The following ADAM10 variants were observed in gnomAD, a reference collection of about 807,000 sequenced individuals.
ADAM10 encodes the protein disintegrin and metalloproteinase domain-containing protein 10.
ADAM10 carries 17 observed loss-of-function variants against 90.1 expected under a neutral mutation model. The ratio of observed to expected loss-of-function variants is 0.19; its 90% confidence interval spans 0.13 to 0.28. The LOEUF (loss-of-function observed/expected upper bound fraction) is 0.28, where lower values mean the gene tolerates loss of function less well. Ranked by LOEUF, ADAM10 falls within the 10% of genes least tolerant of loss-of-function variation. The pLI is 1.00. For missense variants in ADAM10, 610 were observed against 914.3 expected (o/e 0.67, Z 4.29); for synonymous variants, 310 against 298.6 (o/e 1.04, Z -0.40).
chr15:58,631,591 G>T (rs71478680), intron 9 of ADAM10, among the ~76,000 whole-genome samples: 2 of 152,094 alleles, frequency 1.3e-5, no homozygotes, highest in African/African-American at 4.8e-5. Flanking sequence ...TACTAAAAAA[G>T]AATCTGTGTT....
At position 58,646,210 on chromosome 15, in the gene ADAM10, C is replaced by T. The variant is rs1476048598; in HGVS notation, c.586-6G>A. ...GCATGTTCTTCTTGAGGTATCTATA[C>T]ATCAAAAAGTCATTTCTGACAATTA... is the stretch of plus-strand genomic sequence containing the variant. On this transcript the variant is annotated splice_region_variant and splice_polypyrimidine_tract_variant and intron_variant, in intron 5 of 15. Coordinates refer to ENST00000260408, the MANE Select transcript of ADAM10 (RefSeq NM_001110.4). The T allele has an allele frequency of 5.0e-6, 8 of 1,611,016 alleles. No individual in the cohort carries two copies. Among genetic ancestry groups the T allele is most frequent in the Non-Finnish European group, 6.8e-6 (8 of 1,179,270 alleles).
intron 1 of ADAM10, among the ~76,000 whole-genome samples, chr15:58,719,088 C>T (rs1898760305): frequency 2.0e-5 from 3 of 152,218 alleles, no homozygotes; most frequent in Admixed American, 2.0e-4. Context: ...CTTTGGGAGG[C>T]CGAGGCAGGT....
chr15:58,743,041 G>A (rs1172877220), intron 1 of ADAM10, among the ~76,000 whole-genome samples: 1 of 152,114 alleles, frequency 6.6e-6, no homozygotes, highest in Non-Finnish European at 1.5e-5. Flanking sequence ...CTGGGCAACA[G>A]AAAGAGACCT....
intron 9 of ADAM10, among the ~76,000 whole-genome samples, chr15:58,628,243 T>G (rs1407330346): frequency 6.6e-6 from 1 of 152,146 alleles, no homozygotes; most frequent in Non-Finnish European, 1.5e-5. Flanking sequence ...CTCTAACACA[T>G]ATGTTAAATT....
chr15:58,616,645 CG>C lies in ADAM10; in HGVS notation c.1512-4655del, dbSNP rs538382546. ...GGATACAGCTAAAGCAATATTAAGA[CG>C]GAAGTTTATAGCAATAAATGTCTAC... On this transcript the variant is annotated intron_variant, in intron 11 of 15. Coordinates refer to ENST00000260408, the MANE Select transcript of ADAM10 (RefSeq NM_001110.4). 5.5e-3 allele frequency among the ~76,000 whole-genome samples: 832 copies of C among 152,118 alleles called. 5 individuals are homozygous for C. The highest frequency in any genetic ancestry group is 9.1e-3 in the Non-Finnish European group (617 of 67,994).
rs1566982203 is a variant in ADAM10, at chr15:58,655,678, A to AT, written c.585+9418dup. On this transcript the variant is annotated intron_variant, in intron 5 of 15. Coordinates refer to ENST00000260408, the MANE Select transcript of ADAM10 (RefSeq NM_001110.4). ...CATACATACATACATACATACATAC[A>AT]TATATATATTATATATAGTATATAT... Among the ~76,000 whole-genome samples, 169 of 103,894 alleles carry AT rather than the reference A, an allele frequency of 1.6e-3. 6 individuals are homozygous for AT. The highest frequency in any genetic ancestry group is 7.7e-3 in the African/African-American group (157 of 20,496). The allele number at this position is 103,894 out of a possible 152,430, so 68.2% of individuals were successfully genotyped here. A position where few individuals can be genotyped will look rare whatever the true frequency, so the allele number is the denominator to read the frequency against.
chr15:58,671,942 C>T lies in ADAM10; in HGVS notation c.485-6745G>A, dbSNP rs538595931. Among the ~76,000 whole-genome samples, 17 of 152,032 alleles carry T rather than the reference C, an allele frequency of 1.1e-4. No individual in the cohort carries two copies. The South Asian group carries it at 3.5e-3, about 32-fold the overall frequency. On this transcript the variant is annotated intron_variant, in intron 4 of 15. Transcript: ENST00000260408. ...GGAGTGGCAGCCAAAAGACATGGATCCATGTCATACTGCACAAGTTTTATA... is the reference window on the plus strand; with the variant it reads ...GGAGTGGCAGCCAAAAGACATGGATTCATGTCATACTGCACAAGTTTTATA...
rs1894814669 is a variant in ADAM10, at chr15:58,591,097, C to T, written c.*6450G>A. On this transcript the variant is annotated 3_prime_UTR_variant, in exon 16 of 16. Coordinates refer to ENST00000260408, the MANE Select transcript of ADAM10 (RefSeq NM_001110.4). ...TGACCATACTCCTTGACATGTTTAA[C>T]AGAGAACAAATATTTTACTTAAGTA... 6.6e-6 allele frequency: 1 copy of T among 152,130 alleles called. No homozygotes were observed. Among genetic ancestry groups the T allele is most frequent in the Non-Finnish European group, 1.5e-5 (1 of 68,034 alleles). 9.4% of individuals were successfully genotyped at this position (152,130 alleles called of 1,614,324 possible).
chr15:58,620,463 C>T (rs1895746294), intron 11 of ADAM10, among the ~76,000 whole-genome samples: 1 of 150,272 alleles, frequency 6.7e-6, no homozygotes, highest in South Asian at 2.1e-4. Flanking sequence ...TTTTCTGAGA[C>T]TCCATCTCAA....
intron 1 of ADAM10, among the ~76,000 whole-genome samples, chr15:58,719,836 G>C (rs1650118138): frequency 6.6e-6 from 1 of 152,142 alleles, no homozygotes; most frequent in African/African-American, 2.4e-5. Flanking sequence ...GAAGAAACTA[G>C]AGTAGCTCTC....
intron 1 of ADAM10, among the ~76,000 whole-genome samples, chr15:58,727,176 CTTTTTTTTTTTTT>C (rs779017607): frequency 1.0e-4 from 8 of 78,010 alleles, no homozygotes; most frequent in African/African-American, 3.8e-4. Flanking sequence ...CCTGACTAAT[CTTTTTTTTTTTTT>C]TTTTTTTTTT....
At chr15:58,727,810 G>A (rs1405822118) in intron 1 of ADAM10, among the ~76,000 whole-genome samples, 2 of 152,028 alleles carry the variant, frequency 1.3e-5, no homozygotes, top group African/African-American at 4.8e-5. Flanking sequence ...AAAATTATGA[G>A]GGATAAAGAG....
intron 10 of ADAM10, among the ~76,000 whole-genome samples, chr15:58,622,479 TA>T (rs1566970596): frequency 6.6e-6 from 1 of 152,222 alleles, no homozygotes; most frequent in African/African-American, 2.4e-5. Flanking sequence ...ATTGATCTGT[TA>T]AAGAAGTTGG....
In ADAM10 at chr15:58,717,596, C is replaced by A. The variant is rs1414423641; in HGVS notation, c.187G>T (p.Asp63Tyr). The change falls in exon 2 of 16, where the codon GAT becomes TAT. Residue 63 changes from aspartate (D) to tyrosine (Y), a missense_variant. Transcript: ENST00000260408. ...ACTTACCTTCCATGGGCATGGAAATCTAGACGTAAAAATTGGTCTTCATGT... is the reference window on the plus strand; with the variant it reads ...ACTTACCTTCCATGGGCATGGAAATATAGACGTAAAAATTGGTCTTCATGT... ...VSHEDQFLRL[D>Y]FHAHGRHFNL... The A allele has an allele frequency of 6.2e-7, 1 of 1,613,876 alleles. No homozygotes were observed. The highest frequency in any genetic ancestry group is 8.5e-7 in the Non-Finnish European group (1 of 1,179,922).
In ADAM10 at chr15:58,735,324, C is replaced by A. The variant is rs543357369; in HGVS notation, c.55+14156G>T. ...TCATCACTATTAGATATATTACCTA[C>A]GCAGGACAAAACGAACAACAAGTAA... On this transcript the variant is annotated intron_variant, in intron 1 of 15. Coordinates refer to ENST00000260408, the MANE Select transcript of ADAM10 (RefSeq NM_001110.4). Among the ~76,000 whole-genome samples, 8 of 152,248 alleles carry A rather than the reference C, an allele frequency of 5.3e-5. No homozygotes were observed. In the South Asian group the frequency reaches 1.7e-3, roughly 32 times the overall value.
intron 1 of ADAM10, chr15:58,748,205 A>G (rs552268401): frequency 6.6e-6 from 1 of 152,392 alleles, no homozygotes; most frequent in Admixed American, 6.5e-5. Flanking sequence ...CTGCCTACGC[A>G]GTACCACCCT....
intron 2 of ADAM10, among the ~76,000 whole-genome samples, chr15:58,689,341 C>G (rs1381296078): frequency 1.3e-5 from 2 of 152,038 alleles, no homozygotes; most frequent in African/African-American, 4.8e-5. Context: ...AAAAAATTAG[C>G]CGGGCATGGT....
intron 11 of ADAM10, among the ~76,000 whole-genome samples, chr15:58,618,857 A>ATAAT (rs1262896738): frequency 6.6e-6 from 1 of 152,198 alleles, no homozygotes; most frequent in Non-Finnish European, 1.5e-5. Context: ...AAATAAATAA[A>ATAAT]TAAAGATGCT....
intron 4 of ADAM10, among the ~76,000 whole-genome samples, chr15:58,667,659 T>C (rs1180407260): frequency 6.6e-6 from 1 of 152,030 alleles, no homozygotes; most frequent in African/African-American, 2.4e-5. Context: ...GTATCCAGAG[T>C]ATCATGAGGT....
Sources: gnomAD v4.1 joint callset for allele counts (sites outside exome capture counted in the v4.1 genomes callset) on GRCh38, gnomAD v4.1.1 for gene constraint, MANE v1.5 for transcripts, NCBI Gene and HGNC (gene_info 2026-07-23, HGNC 2026-07-21) for gene names.